The following RBFOX1 variants were observed in gnomAD, a reference collection of about 807,000 sequenced individuals.
RBFOX1 encodes the protein RNA binding protein fox-1 homolog 1.
A neutral mutation model predicts 57.7 loss-of-function variants in RBFOX1; 8 were observed. The observed-to-expected ratio is 0.14, with a 90% CI of 0.08 to 0.25. The LOEUF (loss-of-function observed/expected upper bound fraction) is 0.25, where lower values mean the gene tolerates loss of function less well. Ranked by LOEUF, RBFOX1 falls within the 10% of genes least tolerant of loss-of-function variation. The probability of loss-of-function intolerance (pLI) is 1.00; values close to 1 mark genes in which losing one functional copy is unlikely to be tolerated. For missense variants in RBFOX1, 611 were observed against 548.5 expected (o/e 1.11, Z -1.14); for synonymous variants, 326 against 222.4 (o/e 1.47, Z -4.15).
At chr16:5,926,847 C>G (rs548542750) in intron 4 of RBFOX1, among the ~76,000 whole-genome samples, 1 of 152,304 alleles carries the variant, frequency 6.6e-6, no homozygotes, top group South Asian at 2.1e-4. Context: ...ACATTCTCAG[C>G]AACCTGTTAA....
intron 3 of RBFOX1, among the ~76,000 whole-genome samples, chr16:7,034,227 C>A (rs926537545): frequency 4.6e-5 from 7 of 152,134 alleles, no homozygotes; most frequent in African/African-American, 1.4e-4. Flanking sequence ...TGTTTAGCCT[C>A]TCTCCATCTC....
intron 14 of RBFOX1, among the ~76,000 whole-genome samples, chr16:7,697,593 C>A (rs1156975485): frequency 6.6e-6 from 1 of 152,116 alleles, no homozygotes; most frequent in Non-Finnish European, 1.5e-5. Flanking sequence ...AGTAGTTCAA[C>A]GAGGTGTTAT....
intron 1 of RBFOX1, among the ~76,000 whole-genome samples, chr16:6,100,426 T>C (rs2096291527): frequency 6.6e-6 from 1 of 152,178 alleles, no homozygotes; most frequent in African/African-American, 2.4e-5. Flanking sequence ...CCTCCCAAAG[T>C]GCTGGGATTA....
At chr16:5,345,328 T>C (rs1241466506) in intron 1 of RBFOX1, among the ~76,000 whole-genome samples, 1 of 152,146 alleles carries the variant, frequency 6.6e-6, no homozygotes, top group Admixed American at 6.5e-5. Context: ...CTTACCCTTT[T>C]CCCCTTTTCC....
At chr16:5,589,269 T>A (rs541306334) in intron 2 of RBFOX1, among the ~76,000 whole-genome samples, 1 of 152,272 alleles carries the variant, frequency 6.6e-6, no homozygotes, top group East Asian at 1.9e-4. Context: ...TCTGTTCCTT[T>A]GCATGGTTTG....
At chr16:7,684,465 C>G (rs1016575275) in intron 14 of RBFOX1, among the ~76,000 whole-genome samples, 1 of 151,972 alleles carries the variant, frequency 6.6e-6, no homozygotes, top group African/African-American at 2.4e-5. Context: ...AATAGATTAA[C>G]AGATTTCTGA....
At chr16:6,787,692 G>A (rs564111909) in intron 3 of RBFOX1, among the ~76,000 whole-genome samples, 6 of 152,140 alleles carry the variant, frequency 3.9e-5, no homozygotes, top group South Asian at 4.1e-4. Context: ...ATTCATGATC[G>A]TAGCATTCCA....
chr16:7,633,316 G>T (rs1419431130), intron 11 of RBFOX1, among the ~76,000 whole-genome samples: 1 of 152,140 alleles, frequency 6.6e-6, no homozygotes, highest in Non-Finnish European at 1.5e-5. Flanking sequence ...TATGTTTAAA[G>T]TAAAAATTAA....
chr16:7,585,851 C>A (rs1294374012), intron 6 of RBFOX1, among the ~76,000 whole-genome samples: 1 of 152,140 alleles, frequency 6.6e-6, no homozygotes, highest in African/African-American at 2.4e-5. Flanking sequence ...GACTGAAACA[C>A]ATAGTCAGGC....
rs557180115 is a variant in RBFOX1 at position 7,449,269 on chromosome 16, G to C, written c.28-68878G>C. On this transcript the variant is annotated intron_variant, in intron 4 of 15. Coordinates refer to ENST00000550418, the MANE Select transcript of RBFOX1 (RefSeq NM_018723.4). ...AAGGTCATATTCTAAAGTTCTAGGT[G>C]GACATTTTTAAAATAATGTCTCATT... Among the ~76,000 whole-genome samples, 11 of 152,088 alleles carry C rather than the reference G, an allele frequency of 7.2e-5. No individual in the cohort carries two copies. In the South Asian group the frequency reaches 2.3e-3, roughly 32 times the overall value.
chr16:7,529,414 C>G (rs140386699), intron 5 of RBFOX1, among the ~76,000 whole-genome samples: 1 of 152,168 alleles, frequency 6.6e-6, no homozygotes, highest in Non-Finnish European at 1.5e-5. Flanking sequence ...AAATTACAAG[C>G]GTGATGGTAT....
intron 4 of RBFOX1, among the ~76,000 whole-genome samples, chr16:7,474,382 C>G (rs1328408293): frequency 6.6e-6 from 1 of 152,126 alleles, no homozygotes; most frequent in Admixed American, 6.5e-5. Flanking sequence ...TTTTTGTGTT[C>G]CCCAGTGCAC....
At chr16:6,833,926 G>T (rs939610154) in intron 3 of RBFOX1, among the ~76,000 whole-genome samples, 2 of 152,094 alleles carry the variant, frequency 1.3e-5, no homozygotes, top group Non-Finnish European at 2.9e-5. Context: ...ACAGATGAGT[G>T]TGTCCAGAGT....
At chr16:6,930,539 A>C (rs1452353978) in intron 3 of RBFOX1, among the ~76,000 whole-genome samples, 1 of 151,998 alleles carries the variant, frequency 6.6e-6, no homozygotes. Context: ...CCTCCCAAGC[A>C]GTTGGGATTA....
Position 6,388,054 on chromosome 16 carries a change from A to C in RBFOX1, c.-64+70997A>C, listed in dbSNP as rs540616236. Among the ~76,000 whole-genome samples, 4 of 135,558 alleles carry C rather than the reference A, an allele frequency of 3.0e-5. No individual in the cohort carries two copies. In the East Asian group the frequency reaches 8.6e-4, roughly 29 times the overall value. 88.9% of individuals were successfully genotyped at this position (135,558 alleles called of 152,430 possible). ...GAGTGCACTGGAACGATTTGAGCTC[A>C]CTGCAACCTCTGCCTCTCGGGTTCA... is the stretch of plus-strand genomic sequence containing the variant. On this transcript the variant is annotated intron_variant, in intron 2 of 15. Transcript: ENST00000550418.
intron 3 of RBFOX1, among the ~76,000 whole-genome samples, chr16:6,676,389 G>A (rs958401625): frequency 3.3e-5 from 5 of 152,058 alleles, no homozygotes; most frequent in African/African-American, 1.2e-4. Context: ...TGCCCCAGTT[G>A]GGTCCTAGCC....
At chr16:6,939,428 G>C (rs1419345130) in intron 3 of RBFOX1, among the ~76,000 whole-genome samples, 1 of 151,538 alleles carries the variant, frequency 6.6e-6, no homozygotes, top group Admixed American at 6.6e-5. Context: ...GCTATATATA[G>C]TAGACATCTG....
intron 4 of RBFOX1, among the ~76,000 whole-genome samples, chr16:5,872,666 G>A (rs967169116): frequency 3.9e-5 from 6 of 151,994 alleles, no homozygotes; most frequent in African/African-American, 7.2e-5. Context: ...AGCCCAGGAG[G>A]TTGAGGTTGC....
At chr16:5,763,096 G>A (rs1376703055) in intron 3 of RBFOX1, among the ~76,000 whole-genome samples, 1 of 152,148 alleles carries the variant, frequency 6.6e-6, no homozygotes, top group South Asian at 2.1e-4. Context: ...TGGGTGGTTG[G>A]AAATCAAGAC....
Sources: allele counts gnomAD v4.1 joint callset (sites outside exome capture counted in the v4.1 genomes callset), GRCh38; gene constraint gnomAD v4.1.1; transcripts MANE v1.5; gene names NCBI Gene and HGNC (gene_info 2026-07-23, HGNC 2026-07-21).